Variants in CIBAR2 observed in about 807,000 individuals in gnomAD.
CIBAR2 encodes the protein CBY1 interacting BAR domain containing 2.
A neutral mutation model predicts 36.2 loss-of-function variants in CIBAR2; 38 were observed. The ratio of observed to expected loss-of-function variants is 1.05; its 90% CI spans 0.81 to 1.38. CIBAR2 has a LOEUF of 1.38. Among genes scored for constraint, CIBAR2 ranks in the 40% most tolerant of loss-of-function variants. CIBAR2 has a pLI of 0.00. For synonymous variants in CIBAR2, 182 were observed against 149.5 expected, an observed-to-expected ratio of 1.22 and a Z score of -1.58; for missense variants, 481 against 383.4, an observed-to-expected ratio of 1.25 and a Z score of -2.13.
intron 7 of CIBAR2, among the ~76,000 whole-genome samples, chr16:85,101,258 G>A (rs569541227): frequency 4.1e-4 from 63 of 152,268 alleles, no homozygotes; most frequent in Admixed American, 1.3e-3. Context: ...TGCTGCTGTC[G>A]TGGAGATCTT....
At chr16:85,104,218 C>G (rs74358795) in intron 6 of CIBAR2, among the ~76,000 whole-genome samples, 7,159 of 152,278 alleles carry the variant, frequency 0.047, 211 homozygotes, top group African/African-American at 0.082. Flanking sequence ...GGACGCAGAT[C>G]AAGGCACAAC....
At chr16:85,107,237 C>T (rs1023822785) in intron 5 of CIBAR2, among the ~76,000 whole-genome samples, 1 of 152,154 alleles carries the variant, frequency 6.6e-6, no homozygotes, top group Non-Finnish European at 1.5e-5. Context: ...TAGCCCTCCT[C>T]CAGCTCTCAC....
rs765054580 is a variant in CIBAR2, at chr16:85,099,037, A to G, written c.*148T>C. 4.7e-5 allele frequency: 44 copies of G among 934,456 alleles called. No homozygotes were observed. Among genetic ancestry groups the G allele is most frequent in the Non-Finnish European group, 5.0e-5 (34 of 680,592 alleles). 57.9% of individuals were successfully genotyped at this position (934,456 alleles called of 1,614,324 possible). The stretch of plus-strand genomic sequence containing the variant: ...CTCAGCAACAGAATTGAACAAGTAG[A>G]AGAAGGAAATTCAGAGCTTGAAGAC... On this transcript the variant is annotated 3_prime_UTR_variant, in exon 9 of 9. Transcript: ENST00000539556.
chr16:85,106,852 TAGCTCCATCAAGGGGCACTC>T (rs1387546761), intron 5 of CIBAR2, among the ~76,000 whole-genome samples: 1 of 152,188 alleles, frequency 6.6e-6, no homozygotes, highest in Non-Finnish European at 1.5e-5. Context: ...ACCGCTGACT[TAGCTCCATCAAGGGGCACTC>T]TTTGTGGCTG....
intron 1 of CIBAR2, 39 bp from the exon 2 acceptor site, chr16:85,110,499 G>T: frequency 6.8e-7 from 1 of 1,465,928 alleles, no homozygotes; most frequent in Non-Finnish European, 9.3e-7. Flanking sequence ...TCTGGGCAGA[G>T]ATGCAGGGCC....
Position 85,102,424 on chromosome 16 carries a change from T to C in CIBAR2, c.538-97A>G, listed in dbSNP as rs1315064012. The C allele has an allele frequency of 1.1e-5, 8 of 753,464 alleles. No homozygotes were observed. The East Asian group carries it at 2.0e-4, about 19-fold the overall frequency. 46.7% of individuals were successfully genotyped at this position (753,464 alleles called of 1,614,324 possible). A position where few individuals can be genotyped will look rare whatever the true frequency, so the allele number is the denominator to read the frequency against. On this transcript the variant is annotated intron_variant, in intron 6 of 8. Transcript: ENST00000539556. ...CAGATGGGGTGGGGGTGTGGAGGGCTGTCCGTGTGGGGACAGGCCCCAGGT... is the reference window on the plus strand; with the variant it reads ...CAGATGGGGTGGGGGTGTGGAGGGCCGTCCGTGTGGGGACAGGCCCCAGGT...
intron 8 of CIBAR2, among the ~76,000 whole-genome samples, chr16:85,099,797 CTTTTTT>C (rs71386075): frequency 5.2e-5 from 4 of 77,532 alleles, no homozygotes; most frequent in Non-Finnish European, 9.5e-5. Context: ...CTAATTTTTG[CTTTTTT>C]TTTTTTTTTT....
intron 6 of CIBAR2, among the ~76,000 whole-genome samples, chr16:85,102,629 T>C (rs1015177959): frequency 5.3e-5 from 8 of 152,218 alleles, no homozygotes; most frequent in African/African-American, 1.7e-4. Context: ...CTGGGCAACA[T>C]GGTGAAATCC....
At position 85,107,972 on chromosome 16, in the gene CIBAR2, T is replaced by C. The variant is rs368454309; in HGVS notation, c.325-25A>G. 3 of 1,613,518 alleles carry C rather than the reference T, an allele frequency of 1.9e-6. No homozygotes were observed. The African/African-American group carries it at 4.0e-5, about 22-fold the overall frequency. On this transcript the variant is annotated intron_variant, in intron 3 of 8. Transcript: ENST00000539556. ...CCTGCAGAAAAGGAGGAGGGTTGTT[T>C]CCTGGGATCCCACAGGGCAAGACAG... is the stretch of plus-strand genomic sequence containing the variant.
In CIBAR2 at chr16:85,106,210, G is replaced by A. The variant is rs1223540841; in HGVS notation, c.433-779C>T. On this transcript the variant is annotated intron_variant, in intron 5 of 8. Transcript: ENST00000539556. ...GGGCAGGGCTGTGACCCACATTCGT[G>A]TAGGTCAGGACTCCCCACGCTCAGC... is the stretch of plus-strand genomic sequence containing the variant. 3.9e-5 allele frequency among the ~76,000 whole-genome samples: 6 copies of A among 152,264 alleles called. No individual in the cohort carries two copies. The East Asian group carries it at 1.2e-3, about 29-fold the overall frequency.
At chr16:85,101,921 G>A (rs941378298) in intron 7 of CIBAR2, among the ~76,000 whole-genome samples, 1 of 152,048 alleles carries the variant, frequency 6.6e-6, no homozygotes, top group East Asian at 1.9e-4. Flanking sequence ...GCCTACCTCG[G>A]CCTCCCAAAG....
chr16:85,110,451 C>G lies in CIBAR2; in HGVS notation c.30G>C (p.Gln10His). The G allele has an allele frequency of 6.3e-7, 1 of 1,595,586 alleles. No individual in the cohort carries two copies. Among genetic ancestry groups the G allele is most frequent in the Non-Finnish European group, 8.6e-7 (1 of 1,168,520 alleles). ...CCACGGTATTCTCCATCACCCTCAC[C>G]TGGCTGTCCCTGTGGAGGCGGGGAC... The part of the protein sequence containing the change: MNIVFSRDS[Q>H]VRVMENTVAN... Residue 10 changes from glutamine to histidine, a missense_variant, in exon 2 of 9, where the codon CAG becomes CAC. Transcript: ENST00000539556.
chr16:85,110,244 C>T lies in CIBAR2; in HGVS notation c.237G>A (p.Gln79=), dbSNP rs552452443. Reference sequence around the variant, plus strand: ...CACTCACCTGGGCCTGCCGGTAATCCTGCACTTTGGCCAGGTCCTCAGCGA... The same window carrying T: ...CACTCACCTGGGCCTGCCGGTAATCTTGCACTTTGGCCAGGTCCTCAGCGA... ...RGFAEDLAKV[Q]DYRQAQVERL... is the part of the protein sequence containing the mutation. Residue 79 remains glutamine, a synonymous_variant, in exon 2 of 9, where the codon CAG becomes CAA. Transcript: ENST00000539556. 13 of 1,576,824 alleles carry T rather than the reference C, an allele frequency of 8.2e-6. No homozygotes were observed. In the East Asian group the frequency reaches 2.7e-4, roughly 33 times the overall value.
At chr16:85,109,208 C>G (rs1441069592) in intron 2 of CIBAR2, among the ~76,000 whole-genome samples, 1 of 152,002 alleles carries the variant, frequency 6.6e-6, no homozygotes, top group Non-Finnish European at 1.5e-5. Flanking sequence ...CCCAGGAGTT[C>G]AAGACCAGCC....
intron 8 of CIBAR2, 23 bp from the exon 9 acceptor site, chr16:85,099,369 G>T: frequency 7.7e-7 from 1 of 1,301,068 alleles, no homozygotes; most frequent in Non-Finnish European, 1.1e-6. Flanking sequence ...AAATGCACCT[G>T]ATGGCAGGCC....
rs751596851 is a variant in CIBAR2 at position 85,100,235 on chromosome 16, A to G, written c.657T>C (p.Phe219=). 3.1e-6 allele frequency: 5 copies of G among 1,607,108 alleles called. No homozygotes were observed. In the Admixed American group the frequency reaches 5.1e-5, roughly 16 times the overall value. ...CATAAACTCCTTGCATCTTGGCTCT[A>G]AAATCCTGCCGGGGAGAGACCAGGG... ...KYDLERDLLD[F]RAKMQGVYGH... is the part of the protein sequence containing the mutation. The change falls in exon 8 of 9, where the codon TTT becomes TTC. Residue 219 remains phenylalanine, a synonymous_variant. Transcript: ENST00000539556.
At chr16:85,104,492 G>A (rs1395496522) in intron 6 of CIBAR2, among the ~76,000 whole-genome samples, 3 of 152,202 alleles carry the variant, frequency 2.0e-5, no homozygotes, top group Non-Finnish European at 4.4e-5. Flanking sequence ...TGGATCAATT[G>A]AGGTCAGGCG....
Position 85,099,192 on chromosome 16 carries a change from G to C in CIBAR2, c.908C>G (p.Ser303Cys). The C allele has an allele frequency of 1.3e-6, 2 of 1,578,054 alleles. No individual in the cohort carries two copies. Among genetic ancestry groups the C allele is most frequent in the Non-Finnish European group, 1.7e-6 (2 of 1,163,544 alleles). ...TGCACTTACCCTACGTCGTTAGAGAGAATGTCCTGGAAGCATGAGATGCCC... is the reference window on the plus strand; with the variant it reads ...TGCACTTACCCTACGTCGTTAGAGACAATGTCCTGGAAGCATGAGATGCCC... ...QGGHLMLPGH[S>C]L The change falls in exon 9 of 9, where the codon TCT becomes TGT. Residue 303 changes from serine (S) to cysteine (C), a missense_variant. Transcript: ENST00000539556.
In CIBAR2 at chr16:85,098,424, T is replaced by C. The variant is rs928719357; in HGVS notation, c.*761A>G. 7.0e-6 allele frequency: 4 copies of C among 569,940 alleles called. No individual in the cohort carries two copies. The East Asian group carries it at 4.3e-4, about 61-fold the overall frequency. 35.3% of individuals were successfully genotyped at this position (569,940 alleles called of 1,614,324 possible). A position where few individuals can be genotyped will look rare whatever the true frequency, so the allele number is the denominator to read the frequency against. Reference sequence around the variant, plus strand: ...GGCACAGCGATCCCCCAGAGCAACCTGTGAAGTGAGTGATATTGGCCCTGT... The same window carrying C: ...GGCACAGCGATCCCCCAGAGCAACCCGTGAAGTGAGTGATATTGGCCCTGT... On this transcript the variant is annotated 3_prime_UTR_variant, in exon 9 of 9. Transcript: ENST00000539556.
Sources: allele counts gnomAD v4.1 joint callset (sites outside exome capture counted in the v4.1 genomes callset), GRCh38; gene constraint gnomAD v4.1.1; transcripts MANE v1.5; gene names NCBI Gene and HGNC (gene_info 2026-07-23, HGNC 2026-07-21).